Variants in CDC14B observed in about 807,000 individuals in gnomAD.
CDC14B encodes the protein cell division cycle 14B, also known as dual specificity protein phosphatase CDC14B.
Under a neutral mutation model 64.2 loss-of-function variants are expected in CDC14B, and 22 were observed. That is an observed-to-expected ratio of 0.34 (90% CI 0.24 to 0.49). The LOEUF (loss-of-function observed/expected upper bound fraction) is 0.49. CDC14B is among the 20% of genes least tolerant of loss of function. CDC14B has a pLI of 0.99. For missense variants in CDC14B, 498 were observed against 629.9 expected (o/e 0.79, Z 2.24); for synonymous variants, 191 against 215.8 (o/e 0.89, Z 1.01).
chr9:96,561,640 G>A (rs1008450432), intron 4 of CDC14B, among the ~76,000 whole-genome samples: 6 of 150,800 alleles, frequency 4.0e-5, no homozygotes, highest in Admixed American at 6.6e-5. Context: ...CACCACGCCC[G>A]GCTCATTTTT....
chr9:96,511,354 C>T (rs1441481067), intron 12 of CDC14B, among the ~76,000 whole-genome samples: 3 of 152,094 alleles, frequency 2.0e-5, no homozygotes, highest in Non-Finnish European at 2.9e-5. Context: ...GGTTGGATCA[C>T]GAGGTCAGGA....
At chr9:96,595,667 G>A (rs529991018) in intron 1 of CDC14B, among the ~76,000 whole-genome samples, 2 of 152,248 alleles carry the variant, frequency 1.3e-5, no homozygotes, top group East Asian at 1.9e-4. Context: ...TAAAATAGGT[G>A]GACCTCACAA....
chr9:96,598,336 G>C (rs1213937685), intron 1 of CDC14B, among the ~76,000 whole-genome samples: 1 of 152,032 alleles, frequency 6.6e-6, no homozygotes, highest in Non-Finnish European at 1.5e-5. Flanking sequence ...AGTGTTTTTT[G>C]TTTGTTTTTT....
rs115549364 is a variant in CDC14B at position 96,608,135 on chromosome 9, G to A, written c.160+11084C>T. On this transcript the variant is annotated intron_variant, in intron 1 of 13. Coordinates refer to ENST00000375241, the MANE Select transcript of CDC14B (RefSeq NM_033331.4). ...TGCTAGTGTCAATTCCCAGACGTCA[G>A]TGGTCCAGTCTGAAATCTCTACCAC... 4.2e-3 allele frequency among the ~76,000 whole-genome samples: 637 copies of A among 152,332 alleles called. 5 individuals are homozygous for A. Among genetic ancestry groups the A allele is most frequent in the African/African-American group, 0.014 (590 of 41,572 alleles).
At chr9:96,571,983 C>T (rs1420194065) in intron 1 of CDC14B, among the ~76,000 whole-genome samples, 1 of 152,236 alleles carries the variant, frequency 6.6e-6, no homozygotes, top group African/African-American at 2.4e-5. Flanking sequence ...GTCCATCCTT[C>T]AGTCATGGAC....
At position 96,503,781 on chromosome 9, in the gene CDC14B, A is replaced by G; in HGVS notation, c.1469T>C (p.Ile490Thr). Reference sequence around the variant, plus strand: ...ACGCAAGACTGTTTTAGTCCTTGAAATGGAGAGACTACAGGGGGAAAAAAA... The same window carrying G: ...ACGCAAGACTGTTTTAGTCCTTGAAGTGGAGAGACTACAGGGGGAAAAAAA... ...SRKSSVKSLSISRTKTVLR is the reference protein window; with the variant it reads ...SRKSSVKSLSTSRTKTVLR The change falls in exon 14 of 14, where the codon ATT (isoleucine) becomes ACT (threonine). Residue 490 changes from isoleucine to threonine, a missense_variant. By Grantham distance (89) the Ile-to-Thr change is moderately conservative (BLOSUM62 -1). Transcript: ENST00000375241. 1 of 1,613,902 alleles carries G rather than the reference A, an allele frequency of 6.2e-7. No individual in the cohort carries two copies. Among genetic ancestry groups the G allele is most frequent in the Non-Finnish European group, 8.5e-7 (1 of 1,179,854 alleles).
At chr9:96,530,038 T>G (rs186415178) in intron 9 of CDC14B, among the ~76,000 whole-genome samples, 1 of 152,302 alleles carries the variant, frequency 6.6e-6, no homozygotes, top group East Asian at 1.9e-4. Flanking sequence ...TTTAATTACA[T>G]CTTCTTTAAT....
At chr9:96,609,956 A>C (rs1172277908) in intron 1 of CDC14B, among the ~76,000 whole-genome samples, 1 of 152,204 alleles carries the variant, frequency 6.6e-6, no homozygotes, top group Non-Finnish European at 1.5e-5. Flanking sequence ...GAATAGGACC[A>C]AATTTTTGAG....
At chr9:96,610,144 A>T (rs1847220649) in intron 1 of CDC14B, among the ~76,000 whole-genome samples, 1 of 152,112 alleles carries the variant, frequency 6.6e-6, no homozygotes, top group Non-Finnish European at 1.5e-5. Flanking sequence ...TTTTTTGCTT[A>T]CTGCCCGTAT....
intron 1 of CDC14B, among the ~76,000 whole-genome samples, chr9:96,603,853 G>A (rs894501384): frequency 3.3e-5 from 5 of 152,194 alleles, no homozygotes; most frequent in Admixed American, 6.5e-5. Flanking sequence ...CATCACATGC[G>A]GTAACCTGTG....
intron 1 of CDC14B, among the ~76,000 whole-genome samples, chr9:96,599,866 G>A (rs1381948098): frequency 6.6e-6 from 1 of 151,906 alleles, no homozygotes; most frequent in African/African-American, 2.4e-5. Context: ...CAAGTAGCTG[G>A]GACTACAGGC....
intron 1 of CDC14B, among the ~76,000 whole-genome samples, chr9:96,578,516 G>T (rs961166526): frequency 3.3e-5 from 5 of 152,190 alleles, no homozygotes. Context: ...TGTGATAGAA[G>T]GGCACTTCAC....
chr9:96,570,551 T>C (rs1032725600), intron 1 of CDC14B, among the ~76,000 whole-genome samples: 10 of 152,308 alleles, frequency 6.6e-5, no homozygotes, highest in South Asian at 4.1e-4. Context: ...CCTGAACAGA[T>C]TGTCCCTCAG....
chr9:96,600,460 T>G (rs1846359170), intron 1 of CDC14B, among the ~76,000 whole-genome samples: 1 of 151,690 alleles, frequency 6.6e-6, no homozygotes. Flanking sequence ...TACACTTTTG[T>G]GAGGGAGATT....
At position 96,523,380 on chromosome 9, in the gene CDC14B, G is replaced by C. The variant is rs1243766126; in HGVS notation, c.1126C>G (p.Gln376Glu). ...CCATTCTCCTGCCCCTTTAACTTCT[G>C]ACGAAAATAGTCCCCTTCCAGCCAG... ...NLWLEGDYFRQKLKGQENGQH... is the reference protein window; with the variant it reads ...NLWLEGDYFREKLKGQENGQH... The change falls in exon 11 of 14, where the codon CAG becomes GAG. Residue 376 changes from glutamine to glutamate, a missense_variant. By Grantham distance (29) the Gln-to-Glu change is conservative. Coordinates refer to ENST00000375241, the MANE Select transcript of CDC14B (RefSeq NM_033331.4). The C allele has an allele frequency of 6.2e-7, 1 of 1,614,146 alleles. No individual in the cohort carries two copies. The highest frequency in any genetic ancestry group is 1.7e-5 in the Admixed American group (1 of 60,022).
intron 9 of CDC14B, among the ~76,000 whole-genome samples, chr9:96,530,778 T>C (rs1488426450): frequency 2.0e-5 from 3 of 152,084 alleles, no homozygotes; most frequent in African/African-American, 4.8e-5. Flanking sequence ...TCTTTCACCA[T>C]TGAGTATGAT....
At chr9:96,554,457 C>A (rs529368395) in intron 4 of CDC14B, among the ~76,000 whole-genome samples, 131 of 152,142 alleles carry the variant, frequency 8.6e-4, no homozygotes, top group Middle Eastern at 3.4e-3. Flanking sequence ...ACTTTCAAAG[C>A]AAAAATAGTC....
At chr9:96,588,005 A>T (rs879377854) in intron 1 of CDC14B, among the ~76,000 whole-genome samples, 4 of 150,702 alleles carry the variant, frequency 2.7e-5, no homozygotes, top group Non-Finnish European at 4.4e-5. Flanking sequence ...TCAAGATTTA[A>T]TTTTTTTTTT....
In CDC14B at chr9:96,522,623, C is replaced by G; in HGVS notation, c.1246-20G>C. ...ACTGTACTGTGTAAGTAAAAAAACACTGAGCTAATGATTTAAGTTGCACTT... is the reference window on the plus strand; with the variant it reads ...ACTGTACTGTGTAAGTAAAAAAACAGTGAGCTAATGATTTAAGTTGCACTT... On this transcript the variant is annotated intron_variant, in intron 11 of 13. Transcript: ENST00000375241. 1 of 1,486,970 alleles carries G rather than the reference C, an allele frequency of 6.7e-7. No individual in the cohort carries two copies. Among genetic ancestry groups the G allele is most frequent in the Non-Finnish European group, 9.4e-7 (1 of 1,063,938 alleles). The allele number at this position is 1,486,970 out of a possible 1,614,324, so 92.1% of individuals were successfully genotyped here. A position where few individuals can be genotyped will look rare whatever the true frequency, so the allele number is the denominator to read the frequency against.
Sources: allele counts gnomAD v4.1 joint callset (sites outside exome capture counted in the v4.1 genomes callset), GRCh38; gene constraint gnomAD v4.1.1; transcripts MANE v1.5; gene names NCBI Gene and HGNC (gene_info 2026-07-23, HGNC 2026-07-21).